ZNF564: variants seen among roughly 807,000 people sequenced by gnomAD.
ZNF564 encodes zinc finger protein 564.
ZNF564 carries 5 observed loss-of-function variants against 10.5 expected under a neutral mutation model. That is an observed-to-expected ratio of 0.48 (90% CI 0.25 to 1.00). The LOEUF is 1.00. Ranked by LOEUF, ZNF564 falls within the 50% of genes least tolerant of loss-of-function variation. The pLI is 0.16. For missense variants in ZNF564, 603 were observed against 669.7 expected (o/e 0.90, Z 1.10); for synonymous variants, 242 against 218.1 (o/e 1.11, Z -0.97).
intron 1 of ZNF564, among the ~76,000 whole-genome samples, chr19:12,547,819 T>C (rs1472600436): frequency 6.6e-6 from 1 of 151,906 alleles, no homozygotes; most frequent in Non-Finnish European, 1.5e-5. Context: ...TACTTTTTTT[T>C]TTTTTTTTTG....
Position 12,551,376 on chromosome 19 carries a change from TCCGGC to T in ZNF564, c.-49_-45del, listed in dbSNP as rs1289316488. 1 of 1,584,184 alleles carries T rather than the reference TCCGGC, an allele frequency of 6.3e-7. No homozygotes were observed. The highest frequency in any genetic ancestry group is 8.6e-7 in the Non-Finnish European group (1 of 1,166,098). ...TCCCGGGGTCCTGCCTACGGCTCTC[TCCGGC>T]CTGTGCAGGTCCCAGCGCGCCAGAC... On this transcript the variant is annotated 5_prime_UTR_variant, in exon 1 of 4. Transcript: ENST00000339282.
chr19:12,529,552 G>A (rs986550043), intron 1 of ZNF564, among the ~76,000 whole-genome samples: 1 of 151,678 alleles, frequency 6.6e-6, no homozygotes, highest in Non-Finnish European at 1.5e-5. Flanking sequence ...GTTGCAGTGA[G>A]CTGAGATCAT....
chr19:12,551,058 G>A (rs536852619), intron 1 of ZNF564, among the ~76,000 whole-genome samples: 3 of 152,266 alleles, frequency 2.0e-5, no homozygotes, highest in African/African-American at 7.2e-5. Flanking sequence ...ACAATCTGGA[G>A]AGAGGCGGGG....
chr19:12,532,727 A>G (rs888820947), intron 1 of ZNF564, among the ~76,000 whole-genome samples: 1 of 151,774 alleles, frequency 6.6e-6, no homozygotes, highest in Non-Finnish European at 1.5e-5. Context: ...CTGTCTCTAA[A>G]AAAAATAAAT....
At chr19:12,542,703 A>T (rs984328315) in intron 1 of ZNF564, among the ~76,000 whole-genome samples, 1 of 151,876 alleles carries the variant, frequency 6.6e-6, no homozygotes, top group Non-Finnish European at 1.5e-5. Flanking sequence ...AAGGAAAGAA[A>T]GGAAGGAAAA....
chr19:12,536,279 T>C (rs2021911539), intron 1 of ZNF564, among the ~76,000 whole-genome samples: 1 of 152,124 alleles, frequency 6.6e-6, no homozygotes, highest in Admixed American at 6.6e-5. Flanking sequence ...AAGGCTAAAG[T>C]GATCCTTCCA....
chr19:12,532,164 T>G (rs531585023), intron 1 of ZNF564, among the ~76,000 whole-genome samples: 85 of 151,896 alleles, frequency 5.6e-4, no homozygotes, highest in African/African-American at 2.0e-3. Context: ...TAATGCGCTA[T>G]AATTTATTGT....
chr19:12,528,697 C>A lies in ZNF564; in HGVS notation c.4-1G>T. On this transcript the variant is annotated splice_acceptor_variant, in intron 1 of 3. Transcript: ENST00000339282. LOFTEE classifies it high-confidence loss of function. The stretch of plus-strand genomic sequence containing the variant: ...CCACATCCTCAGAGGCCACTGAGTC[C>A]TAAAACATCCCAAATATGCAATGCA... 1 of 1,607,086 alleles carries A rather than the reference C, an allele frequency of 6.2e-7. No individual in the cohort carries two copies. The highest frequency in any genetic ancestry group is 1.1e-5 in the South Asian group (1 of 90,086).
At chr19:12,546,688 G>A (rs2022161393) in intron 1 of ZNF564, among the ~76,000 whole-genome samples, 2 of 152,064 alleles carry the variant, frequency 1.3e-5, no homozygotes, top group Admixed American at 6.6e-5. Context: ...CCAAGATCGC[G>A]CCACTGCACT....
intron 1 of ZNF564, among the ~76,000 whole-genome samples, chr19:12,549,033 A>C (rs2022204533): frequency 6.7e-6 from 1 of 149,306 alleles, no homozygotes; most frequent in South Asian, 2.1e-4. Context: ...AAATCACCCA[A>C]AAGAAGAAAA....
intron 1 of ZNF564, among the ~76,000 whole-genome samples, chr19:12,540,105 T>C (rs758001396): frequency 2.0e-5 from 3 of 152,006 alleles, no homozygotes; most frequent in African/African-American, 4.8e-5. Context: ...TATATTGACA[T>C]AGGGTTGAGT....
At chr19:12,548,256 C>T (rs1358122242) in intron 1 of ZNF564, 9 of 895,152 alleles carry the variant, frequency 1.0e-5, no homozygotes, top group East Asian at 1.3e-4. Context: ...CTAGCTCTGT[C>T]GCCCAGGCTG....
chr19:12,542,806 C>G (rs570977658), intron 1 of ZNF564, among the ~76,000 whole-genome samples: 2 of 151,636 alleles, frequency 1.3e-5, no homozygotes, highest in Non-Finnish European at 2.9e-5. Context: ...GAGTTCTACA[C>G]CAGCCTGACC....
At chr19:12,545,103 A>T (rs1043427033) in intron 1 of ZNF564, among the ~76,000 whole-genome samples, 4 of 152,100 alleles carry the variant, frequency 2.6e-5, no homozygotes, top group African/African-American at 9.7e-5. Context: ...TCTACTAAAA[A>T]TACAAAAAAT....
intron 1 of ZNF564, among the ~76,000 whole-genome samples, chr19:12,541,217 A>G (rs1437325316): frequency 6.6e-6 from 1 of 151,864 alleles, no homozygotes; most frequent in Non-Finnish European, 1.5e-5. Context: ...GCACTACTGC[A>G]CTCCACCCTG....
chr19:12,548,622 C>CA, intron 1 of ZNF564: 1 of 552,360 alleles, frequency 1.8e-6, no homozygotes, highest in Non-Finnish European at 3.2e-6. Context: ...TAACAGGCGT[C>CA]AGCCATCGCG....
At chr19:12,546,882 A>T (rs1335360450) in intron 1 of ZNF564, among the ~76,000 whole-genome samples, 2 of 152,122 alleles carry the variant, frequency 1.3e-5, no homozygotes, top group East Asian at 1.9e-4. Context: ...TCAGCCCTGA[A>T]CTTTGACCCA....
At chr19:12,531,694 T>C (rs2021805146) in intron 1 of ZNF564, among the ~76,000 whole-genome samples, 1 of 152,094 alleles carries the variant, frequency 6.6e-6, no homozygotes, top group Non-Finnish European at 1.5e-5. Context: ...ATCATATGAT[T>C]ACAAAATATG....
In ZNF564 at chr19:12,548,203, T is replaced by G. The variant is rs909766444; in HGVS notation, c.3+3127A>C. On this transcript the variant is annotated intron_variant, in intron 1 of 3. Transcript: ENST00000339282. ...ATGTATATAGGAGGAAAGGAAACTG[T>G]AAGACATTTGTATTCTTTTTTTTTT... is the stretch of plus-strand genomic sequence containing the variant. 3 of 972,640 alleles carry G rather than the reference T, an allele frequency of 3.1e-6. No individual in the cohort carries two copies. The African/African-American group carries it at 5.3e-5, about 17-fold the overall frequency. 60.3% of individuals were successfully genotyped at this position (972,640 alleles called of 1,614,324 possible).
Sources: allele counts gnomAD v4.1 joint callset (sites outside exome capture counted in the v4.1 genomes callset), GRCh38; gene constraint gnomAD v4.1.1; transcripts MANE v1.5; gene names NCBI Gene and HGNC (gene_info 2026-07-23, HGNC 2026-07-21).